SUV39H2: variants seen among roughly 807,000 people sequenced by gnomAD.
SUV39H2 encodes SUV39H2 histone lysine methyltransferase, also known as histone-lysine N-methyltransferase SUV39H2.
Under a neutral mutation model 47.5 loss-of-function variants are expected in SUV39H2, and 10 were observed. The observed-to-expected ratio is 0.21, with a 90% CI of 0.13 to 0.36. The LOEUF (loss-of-function observed/expected upper bound fraction) is 0.36, where lower values mean the gene tolerates loss of function less well. SUV39H2 is among the 10% of genes least tolerant of loss of function. SUV39H2 has a pLI of 1.00. For synonymous variants in SUV39H2, 159 were observed against 166.8 expected (o/e 0.95, Z 0.36); for missense variants, 266 against 487.4 (o/e 0.55, Z 4.28).
intron 2 of SUV39H2, among the ~76,000 whole-genome samples, chr10:14,882,977 C>A (rs1404554632): frequency 6.6e-6 from 1 of 151,936 alleles, no homozygotes; most frequent in African/African-American, 2.4e-5. Flanking sequence ...CAGCGATTCT[C>A]CTGTCTCCGC....
chr10:14,894,463 G>T (rs1833499803), intron 2 of SUV39H2, among the ~76,000 whole-genome samples: 1 of 71,108 alleles, frequency 1.4e-5, no homozygotes, highest in Non-Finnish European at 2.4e-5. Context: ...CGCCTCCCGG[G>T]TTCACGCCAT....
Position 14,881,551 on chromosome 10 carries a change from GA to G in SUV39H2, c.87del (p.Glu30LysfsTer15). 1 of 1,605,100 alleles carries G rather than the reference GA, an allele frequency of 6.2e-7. No individual in the cohort carries two copies. Among genetic ancestry groups the G allele is most frequent in the Non-Finnish European group, 8.5e-7 (1 of 1,177,128 alleles). On this transcript the variant is annotated frameshift_variant, in exon 2 of 6. Transcript: ENST00000354919. LOFTEE classifies it high-confidence loss of function. The stretch of plus-strand genomic sequence containing the variant: ...CTTGATACTCTTCAGGAATTATGTA[GA>G]AAAGAAAAGCTCACATGTAAATCGA... ...VSLDTLQELC[R>X]KEKLTCKSIG...
In SUV39H2 at chr10:14,901,305, T is replaced by C. The variant is rs913162409; in HGVS notation, c.1126+43T>C. ...AGTTTCATTGGTGTCAGTTTCAATA[T>C]GAAGAATCAAATCAGACTAGGAACA... On this transcript the variant is annotated intron_variant, in intron 5 of 5. Coordinates refer to ENST00000354919, the MANE Select transcript of SUV39H2 (RefSeq NM_001193424.2). 10 of 1,610,770 alleles carry C rather than the reference T, an allele frequency of 6.2e-6. No homozygotes were observed. The African/African-American group carries it at 1.2e-4, about 19-fold the overall frequency.
intron 2 of SUV39H2, among the ~76,000 whole-genome samples, chr10:14,890,505 A>T (rs1833354174): frequency 6.6e-6 from 1 of 152,136 alleles, no homozygotes; most frequent in Non-Finnish European, 1.5e-5. Flanking sequence ...CGATCCTCGC[A>T]TCTCCGCCTC....
At chr10:14,889,079 G>T (rs1453116419) in intron 2 of SUV39H2, among the ~76,000 whole-genome samples, 1 of 151,234 alleles carries the variant, frequency 6.6e-6, no homozygotes, top group Non-Finnish European at 1.5e-5. Context: ...CTCCAGCCTG[G>T]GCTACAAGAG....
intron 2 of SUV39H2, among the ~76,000 whole-genome samples, chr10:14,894,929 C>CT (rs1177219488): frequency 6.6e-6 from 1 of 152,068 alleles, no homozygotes; most frequent in Non-Finnish European, 1.5e-5. Context: ...TAAAAACTTT[C>CT]TTAAAATTTT....
intron 4 of SUV39H2, 46 bp downstream of exon 4, chr10:14,899,731 T>G: frequency 6.3e-7 from 1 of 1,593,082 alleles, no homozygotes. Flanking sequence ...CAATTCAACC[T>G]AGTACTAGTT....
intron 1 of SUV39H2, chr10:14,880,120 G>A (rs923122252): frequency 6.6e-6 from 1 of 152,032 alleles, no homozygotes; most frequent in Non-Finnish European, 1.5e-5. Context: ...GGGACTTAGG[G>A]GGTCATTTCT....
At chr10:14,886,274 A>G (rs1485819751) in intron 2 of SUV39H2, among the ~76,000 whole-genome samples, 1 of 152,178 alleles carries the variant, frequency 6.6e-6, no homozygotes, top group African/African-American at 2.4e-5. Context: ...AAAATCCTAC[A>G]CAGCCTGCAC....
intron 2 of SUV39H2, among the ~76,000 whole-genome samples, chr10:14,884,355 A>T (rs549704196): frequency 6.6e-6 from 1 of 152,106 alleles, no homozygotes; most frequent in Non-Finnish European, 1.5e-5. Context: ...CTTTTTGATG[A>T]TAGTTTTCCT....
chr10:14,892,222 A>C (rs1374568015), intron 2 of SUV39H2, among the ~76,000 whole-genome samples: 1 of 152,194 alleles, frequency 6.6e-6, no homozygotes, highest in Non-Finnish European at 1.5e-5. Flanking sequence ...TTTGGCAATT[A>C]ATAGATTTGT....
intron 2 of SUV39H2, among the ~76,000 whole-genome samples, chr10:14,894,535 T>C (rs1177878029): frequency 2.7e-5 from 3 of 111,494 alleles, no homozygotes; most frequent in Non-Finnish European, 3.4e-5. Flanking sequence ...GCCCGGCTAA[T>C]TTTTTGTATT....
chr10:14,900,938 T>C (rs539747196), intron 4 of SUV39H2, among the ~76,000 whole-genome samples, 195 bp from the exon 5 acceptor site: 1 of 152,374 alleles, frequency 6.6e-6, no homozygotes, highest in Admixed American at 6.5e-5. Flanking sequence ...TTCTCTATTT[T>C]ATACTTGTCT....
chr10:14,902,552 T>C lies in SUV39H2; in HGVS notation c.*40T>C. Reference sequence around the variant, plus strand: ...TAGAGCTGATGATTATAATATTTTTTTCCTAATGTTAACATTTTTAAAAAT... The same window carrying C: ...TAGAGCTGATGATTATAATATTTTTCTCCTAATGTTAACATTTTTAAAAAT... On this transcript the variant is annotated 3_prime_UTR_variant, in exon 6 of 6. Coordinates refer to ENST00000354919, the MANE Select transcript of SUV39H2 (RefSeq NM_001193424.2). The C allele has an allele frequency of 7.6e-7, 1 of 1,307,272 alleles. No homozygotes were observed. Among genetic ancestry groups the C allele is most frequent in the Non-Finnish European group, 1.0e-6 (1 of 954,978 alleles). The allele number at this position is 1,307,272 out of a possible 1,614,324, so 81.0% of individuals were successfully genotyped here.
In SUV39H2 at chr10:14,899,379, CTT is replaced by C. The variant is rs1833836317; in HGVS notation, c.850-158_850-157del. 5.1e-6 allele frequency: 4 copies of C among 778,184 alleles called. No individual in the cohort carries two copies. The African/African-American group carries it at 6.9e-5, about 13-fold the overall frequency. The allele number at this position is 778,184 out of a possible 1,614,324, so 48.2% of individuals were successfully genotyped here. ...TTTTCTTCCCCTCATTTTCCCACCT[CTT>C]TGCATCTGAGTCTTAGTTTGTGTGA... is the stretch of plus-strand genomic sequence containing the variant. On this transcript the variant is annotated intron_variant, in intron 3 of 5. Transcript: ENST00000354919.
chr10:14,894,078 C>T (rs1251030842), intron 2 of SUV39H2, among the ~76,000 whole-genome samples: 1 of 152,196 alleles, frequency 6.6e-6, no homozygotes, highest in Non-Finnish European at 1.5e-5. Flanking sequence ...AAGTTAGATG[C>T]TGCCAGTTGG....
At chr10:14,885,071 A>T (rs1833162250) in intron 2 of SUV39H2, among the ~76,000 whole-genome samples, 1 of 152,080 alleles carries the variant, frequency 6.6e-6, no homozygotes, top group South Asian at 2.1e-4. Flanking sequence ...CTCTCCTCTG[A>T]AATGTTGATA....
chr10:14,889,125 C>T (rs1833306341), intron 2 of SUV39H2, among the ~76,000 whole-genome samples: 1 of 151,642 alleles, frequency 6.6e-6, no homozygotes, highest in African/African-American at 2.4e-5. Context: ...AAAAATTAAC[C>T]GGAGGTAAGA....
At position 14,894,365 on chromosome 10, in the gene SUV39H2, T is replaced by G. The variant is rs201539818; in HGVS notation, c.178-2481T>G. Among the ~76,000 whole-genome samples the G allele has an allele frequency of 2.2e-4, 11 of 50,674 alleles. 3 individuals are homozygous for G. The highest frequency in any genetic ancestry group is 9.3e-4 in the African/African-American group (4 of 4,286). 33.2% of individuals were successfully genotyped at this position (50,674 alleles called of 152,430 possible). ...TCAAAAGAAAGCAAAGTTTTTTTTT[T>G]TTTTTTTTTTTTTTTTTTTTGAGAC... On this transcript the variant is annotated intron_variant, in intron 2 of 5. Transcript: ENST00000354919.
Sources: gnomAD v4.1 joint callset for allele counts (sites outside exome capture counted in the v4.1 genomes callset) on GRCh38, gnomAD v4.1.1 for gene constraint, MANE v1.5 for transcripts, NCBI Gene and HGNC (gene_info 2026-07-23, HGNC 2026-07-21) for gene names.